The following MTFR1 variants were observed in gnomAD, a reference collection of about 807,000 sequenced individuals.
MTFR1 encodes mitochondrial fission regulator 1.
Under a neutral mutation model 38.8 loss-of-function variants are expected in MTFR1, and 28 were observed. That is an observed-to-expected ratio of 0.72 (90% CI 0.53 to 0.99). The LOEUF is 0.99. Ranked by LOEUF, MTFR1 falls within the 50% of genes least tolerant of loss-of-function variation. The pLI is 0.00. For synonymous variants in MTFR1, 145 were observed against 137.0 expected (o/e 1.06, Z -0.41); for missense variants, 358 against 395.5 (o/e 0.91, Z 0.81).
At chr8:65,681,037 C>T (rs1248698548) in intron 2 of MTFR1, among the ~76,000 whole-genome samples, 6 of 151,770 alleles carry the variant, frequency 4.0e-5, no homozygotes, top group African/African-American at 1.4e-4. Context: ...CTCAGCCTCC[C>T]GAGTAGCTGG....
intron 3 of MTFR1, among the ~76,000 whole-genome samples, chr8:65,688,077 G>A (rs1318786874): frequency 1.4e-5 from 2 of 146,936 alleles, no homozygotes; most frequent in Admixed American, 1.4e-4. Context: ...TCCAGCCTGG[G>A]CGACAGGGCA....
intron 1 of MTFR1, among the ~76,000 whole-genome samples, chr8:65,656,625 C>T (rs1809278529): frequency 6.6e-6 from 1 of 151,818 alleles, no homozygotes; most frequent in African/African-American, 2.4e-5. Context: ...CCTCAGCCTC[C>T]CAAGTAGCTG....
intron 3 of MTFR1, among the ~76,000 whole-genome samples, chr8:65,739,029 G>A (rs1167758638): frequency 6.6e-6 from 1 of 152,216 alleles, no homozygotes; most frequent in Non-Finnish European, 1.5e-5. Context: ...AGAAGTGAAG[G>A]TGGGCCGATT....
At chr8:65,734,980 T>G in intron 3 of MTFR1, 5 of 814,730 alleles carry the variant, frequency 6.1e-6, no homozygotes, top group Non-Finnish European at 8.5e-6. Context: ...AGTTACCCAC[T>G]CATACTTTTC....
rs1365252348 is a variant in MTFR1 at position 65,719,352 on chromosome 8, C to T, written c.382-28C>T. 4.3e-6 allele frequency: 7 copies of T among 1,614,094 alleles called. No individual in the cohort carries two copies. In the Admixed American group the frequency reaches 8.3e-5, roughly 19 times the overall value. On this transcript the variant is annotated intron_variant, in intron 2 of 3. Transcript: ENST00000521247. ...TTCAACTCAAATGCAGCATCAGTGT[C>T]CTCACTGCTCGACTGTTCTCTCTGC...
intron 3 of MTFR1, chr8:65,745,503 T>A (rs1327145488): frequency 8.6e-7 from 1 of 1,160,562 alleles, no homozygotes; most frequent in Non-Finnish European, 1.3e-6. Flanking sequence ...CTACTGTAAT[T>A]TAATTTCAAT....
chr8:65,702,303 T>C (rs954481453), intron 4 of MTFR1, among the ~76,000 whole-genome samples: 9 of 147,148 alleles, frequency 6.1e-5, no homozygotes, highest in Non-Finnish European at 7.5e-5. Context: ...CTTTCTTTTT[T>C]TTTTTTTTTT....
At chr8:65,710,586 T>C (rs1805916353), downstream of MTFR1, 1 of 152,496 alleles carries the variant, frequency 6.6e-6, no homozygotes, top group Non-Finnish European at 1.5e-5. Context: ...ATTTTTTCTT[T>C]TTTCACAATA....
intron 3 of MTFR1, chr8:65,734,659 A>G: frequency 1.7e-6 from 1 of 587,326 alleles, no homozygotes; most frequent in Non-Finnish European, 3.1e-6. Flanking sequence ...CAGAAACTTG[A>G]TCCAGCTAGA....
At chr8:65,752,625 C>T (rs1776804083) in intron 3 of MTFR1, among the ~76,000 whole-genome samples, 1 of 152,154 alleles carries the variant, frequency 6.6e-6, no homozygotes, top group Non-Finnish European at 1.5e-5. Context: ...AGATATATCT[C>T]ATTGTTAACC....
In MTFR1 at chr8:65,652,835, T is replaced by A. The variant is rs951618558; in HGVS notation, c.-81+8051T>A. Among the ~76,000 whole-genome samples the A allele has an allele frequency of 9.8e-5, 15 of 152,362 alleles. No homozygotes were observed. In the South Asian group the frequency reaches 3.1e-3, roughly 32 times the overall value. Reference sequence around the variant, plus strand: ...ATAATTTGACTTCTTCCTTTCCTATTTGGATGTCCTTTATTTCTTTCTCTT... The same window carrying A: ...ATAATTTGACTTCTTCCTTTCCTATATGGATGTCCTTTATTTCTTTCTCTT... On this transcript the variant is annotated intron_variant, in intron 1 of 7. Transcript: ENST00000262146.
At chr8:65,730,901 C>T (rs763573808) in intron 3 of MTFR1, among the ~76,000 whole-genome samples, 9 of 152,200 alleles carry the variant, frequency 5.9e-5, no homozygotes, top group East Asian at 1.9e-4. Context: ...CCAGCCTGGG[C>T]GACAGAGTGA....
chr8:65,679,482 C>T (rs969164049), intron 2 of MTFR1: 2 of 152,216 alleles, frequency 1.3e-5, no homozygotes, highest in African/African-American at 2.4e-5. Context: ...GTGGCATTCA[C>T]TTGTAATCCC....
At chr8:65,703,279 A>C (rs1805669750) in intron 4 of MTFR1, among the ~76,000 whole-genome samples, 1 of 151,948 alleles carries the variant, frequency 6.6e-6, no homozygotes, top group Admixed American at 6.6e-5. Flanking sequence ...CTAGCTACTC[A>C]GGAAGCTGAG....
intron 1 of MTFR1, among the ~76,000 whole-genome samples, chr8:65,652,354 C>T (rs891707682): frequency 1.3e-5 from 2 of 152,086 alleles, no homozygotes; most frequent in East Asian, 3.9e-4. Flanking sequence ...GCCTCCACCT[C>T]CCAAAGTGCT....
At chr8:65,732,516 G>C (rs984062438) in intron 3 of MTFR1, among the ~76,000 whole-genome samples, 46 of 152,002 alleles carry the variant, frequency 3.0e-4, no homozygotes, top group African/African-American at 1.0e-3. Flanking sequence ...CAATCTTCAG[G>C]CATCTATCTA....
chr8:65,716,993 A>C (rs1165232942), intron 2 of MTFR1, among the ~76,000 whole-genome samples: 1 of 152,228 alleles, frequency 6.6e-6, no homozygotes, highest in Non-Finnish European at 1.5e-5. Flanking sequence ...GTAAGTACAC[A>C]ATATACACTG....
chr8:65,708,901 T>C, intron 7 of MTFR1, 75 bp from the exon 8 acceptor site: 1 of 1,425,656 alleles, frequency 7.0e-7, no homozygotes, highest in Non-Finnish European at 9.9e-7. Context: ...CTCTAATCCA[T>C]GATTGGGAGG....
rs145930008 is a variant in MTFR1 at position 65,742,664 on chromosome 8, T to C, written c.*48+23183T>C. Among the ~76,000 whole-genome samples, 272 of 152,332 alleles carry C rather than the reference T, an allele frequency of 1.8e-3. 1 individual carries two copies. Among genetic ancestry groups the C allele is most frequent in the African/African-American group, 6.0e-3 (251 of 41,580 alleles). ...TGAAGCAGTTTTAAAAGGAAAGCCA[T>C]TCTCATTATATAATATAAGCTAAAG... On this transcript the variant is annotated intron_variant, in intron 3 of 3. Transcript: ENST00000521247.
Sources: allele counts gnomAD v4.1 joint callset (sites outside exome capture counted in the v4.1 genomes callset), GRCh38; gene constraint gnomAD v4.1.1; transcripts MANE v1.5; gene names NCBI Gene and HGNC (gene_info 2026-07-23, HGNC 2026-07-21).